Variants in PTN observed in about 807,000 individuals in gnomAD.
The protein encoded by PTN is pleiotrophin, also known as heparin affin regulatory protein.
Under a neutral mutation model 24.1 loss-of-function variants are expected in PTN, and 18 were observed. The ratio of observed to expected loss-of-function variants is 0.75; its 90% CI spans 0.52 to 1.11. PTN has a LOEUF of 1.11. PTN is among the 50% of genes least tolerant of loss of function. The pLI is 0.00. For synonymous variants in PTN, 78 were observed against 68.6 expected (o/e 1.14, Z -0.67); for missense variants, 163 against 198.8 (o/e 0.82, Z 1.08).
chr7:137,265,980 G>C (rs1486158960), intron 1 of PTN, among the ~76,000 whole-genome samples: 1 of 152,040 alleles, frequency 6.6e-6, no homozygotes, highest in Non-Finnish European at 1.5e-5. Context: ...TTTTACACTA[G>C]ATAAGCTAAA....
intron 1 of PTN, among the ~76,000 whole-genome samples, chr7:137,323,339 G>C (rs759667935): frequency 6.6e-6 from 1 of 152,140 alleles, no homozygotes; most frequent in Non-Finnish European, 1.5e-5. Flanking sequence ...AGTGAAATTT[G>C]TATTTATGCA....
At chr7:137,269,656 C>T (rs1341861597) in intron 1 of PTN, among the ~76,000 whole-genome samples, 2 of 84,498 alleles carry the variant, frequency 2.4e-5, no homozygotes, top group Non-Finnish European at 3.8e-5. Context: ...TTTTTTGAGA[C>T]GGAATCTTGC....
At chr7:137,310,408 T>G (rs1464944950) in intron 1 of PTN, among the ~76,000 whole-genome samples, 2 of 149,948 alleles carry the variant, frequency 1.3e-5, no homozygotes, top group East Asian at 2.0e-4. Flanking sequence ...TTTTTTGTTT[T>G]TTTTTTTTTT....
In PTN at chr7:137,310,131, C is replaced by A. The variant is rs548532037; in HGVS notation, c.-2+33308G>T. 2.6e-5 allele frequency among the ~76,000 whole-genome samples: 4 copies of A among 152,294 alleles called. No individual in the cohort carries two copies. In the South Asian group the frequency reaches 8.3e-4, roughly 32 times the overall value. ...TGGAAACATTAATAAAATCCTGATA[C>A]ATTTCCATCAGAGCTCTTGGGTGAC... On this transcript the variant is annotated intron_variant, in intron 1 of 4. Coordinates refer to ENST00000348225, the MANE Select transcript of PTN (RefSeq NM_002825.7).
At chr7:137,265,384 G>T (rs1263649507) in intron 1 of PTN, among the ~76,000 whole-genome samples, 1 of 152,136 alleles carries the variant, frequency 6.6e-6, no homozygotes, top group Non-Finnish European at 1.5e-5. Flanking sequence ...GCCCAGTAAA[G>T]GTCCACCACA....
intron 1 of PTN, among the ~76,000 whole-genome samples, chr7:137,335,140 A>G (rs1424102100): frequency 1.3e-5 from 2 of 151,526 alleles, no homozygotes; most frequent in Non-Finnish European, 2.9e-5. Flanking sequence ...ACATGTATAC[A>G]TATGCAACTA....
chr7:137,238,128 A>G (rs530747626), intron 4 of PTN, among the ~76,000 whole-genome samples: 1 of 152,158 alleles, frequency 6.6e-6, no homozygotes, highest in Admixed American at 6.5e-5. Context: ...GAACAACAAC[A>G]AGCTTGCTCT....
At chr7:137,307,846 C>T (rs1809914789) in intron 1 of PTN, among the ~76,000 whole-genome samples, 1 of 152,072 alleles carries the variant, frequency 6.6e-6, no homozygotes, top group Non-Finnish European at 1.5e-5. Flanking sequence ...CAGAATGTAC[C>T]CTTGTACTCT....
At chr7:137,293,228 T>C (rs929840547) in intron 1 of PTN, among the ~76,000 whole-genome samples, 1 of 151,942 alleles carries the variant, frequency 6.6e-6, no homozygotes, top group Non-Finnish European at 1.5e-5. Context: ...AACAGTGAAG[T>C]TGAGAGATGA....
intron 1 of PTN, among the ~76,000 whole-genome samples, chr7:137,266,973 A>C (rs996003960): frequency 6.6e-6 from 1 of 150,712 alleles, no homozygotes; most frequent in Admixed American, 6.7e-5. Flanking sequence ...TCTGATAGGA[A>C]GGCCTCAGTG....
chr7:137,285,054 A>AAT (rs1554467213), intron 1 of PTN, among the ~76,000 whole-genome samples: 20 of 151,814 alleles, frequency 1.3e-4, no homozygotes, highest in African/African-American at 3.1e-4. Flanking sequence ...CTACAAGTTT[A>AAT]ATATATATAT....
chr7:137,299,447 A>G (rs1809771642), intron 1 of PTN, among the ~76,000 whole-genome samples: 1 of 151,982 alleles, frequency 6.6e-6, no homozygotes, highest in South Asian at 2.1e-4. Flanking sequence ...CCAGGTTCAT[A>G]AGGAACAGAG....
intron 1 of PTN, 103 bp from the exon 2 acceptor site, chr7:137,255,077 T>C: frequency 1.4e-6 from 1 of 714,472 alleles, no homozygotes; most frequent in East Asian, 2.8e-5. Flanking sequence ...ATTTCTGGAA[T>C]GTTAGATTTC....
chr7:137,323,703 TA>T (rs1197553345), intron 1 of PTN, among the ~76,000 whole-genome samples: 1 of 152,216 alleles, frequency 6.6e-6, no homozygotes, highest in Non-Finnish European at 1.5e-5. Context: ...TTGAATTTAC[TA>T]ATCAGGATTA....
Position 137,332,735 on chromosome 7 carries a change from G to C in PTN, c.-2+10704C>G, listed in dbSNP as rs78417983. On this transcript the variant is annotated intron_variant, in intron 1 of 4. Coordinates refer to ENST00000348225, the MANE Select transcript of PTN (RefSeq NM_002825.7). ...TAAATATTTTTTGAGGAGCTGACTT[G>C]ACCCTTGAAATCCAGTTCTTTCAAG... Among the ~76,000 whole-genome samples, 1,338 of 152,138 alleles carry C rather than the reference G, an allele frequency of 8.8e-3. 17 individuals are homozygous for C. The highest frequency in any genetic ancestry group is 0.031 in the African/African-American group (1,270 of 41,494).
chr7:137,320,881 G>A (rs1475316098), intron 1 of PTN, among the ~76,000 whole-genome samples: 1 of 152,130 alleles, frequency 6.6e-6, no homozygotes, highest in Non-Finnish European at 1.5e-5. Context: ...CACACATCTT[G>A]ATATGGTGGT....
intron 1 of PTN, chr7:137,318,682 G>C (rs1043924500): frequency 6.6e-6 from 1 of 152,018 alleles, no homozygotes; most frequent in Non-Finnish European, 1.5e-5. Context: ...TCTGGGTGTC[G>C]GCCTTCATTC....
At chr7:137,307,414 C>T (rs1165255568) in intron 1 of PTN, among the ~76,000 whole-genome samples, 2 of 152,112 alleles carry the variant, frequency 1.3e-5, no homozygotes, top group Non-Finnish European at 2.9e-5. Flanking sequence ...AAAATCACTA[C>T]ACAAATTTTT....
At chr7:137,241,220 T>G (rs1808623149) in intron 4 of PTN, among the ~76,000 whole-genome samples, 1 of 152,090 alleles carries the variant, frequency 6.6e-6, no homozygotes, top group African/African-American at 2.4e-5. Flanking sequence ...CTTCAACACC[T>G]AGGAGTTAAA....
Sources: gnomAD v4.1 joint callset for allele counts (sites outside exome capture counted in the v4.1 genomes callset) on GRCh38, gnomAD v4.1.1 for gene constraint, MANE v1.5 for transcripts, NCBI Gene and HGNC (gene_info 2026-07-23, HGNC 2026-07-21) for gene names.